Variants in CSMD3 observed in about 807,000 individuals in gnomAD.
CSMD3 encodes CUB and sushi domain-containing protein 3.
In CSMD3, 177 loss-of-function variants were observed where a neutral mutation model predicts 435.2. That is an observed-to-expected ratio of 0.41 (90% CI 0.36 to 0.46). The LOEUF is 0.46. CSMD3 is among the 20% of genes least tolerant of loss of function. CSMD3 has a pLI of 0.34. For synonymous variants in CSMD3, 1,656 were observed against 1,520.5 expected (o/e 1.09, Z -2.07); for missense variants, 4,265 against 4,504.6 (o/e 0.95, Z 1.52).
intron 3 of CSMD3, among the ~76,000 whole-genome samples, chr8:113,195,877 A>T (rs1284089439): frequency 6.8e-6 from 1 of 148,060 alleles, no homozygotes; most frequent in African/African-American, 2.5e-5. Context: ...CTCAGTGTTA[A>T]GGGTTTGGGA....
intron 32 of CSMD3, among the ~76,000 whole-genome samples, chr8:112,438,166 G>A (rs1467639361): frequency 2.0e-5 from 3 of 152,040 alleles, no homozygotes; most frequent in Non-Finnish European, 4.4e-5. Flanking sequence ...TAGCATTTCA[G>A]TGACAGGAAA....
chr8:112,556,659 TAA>T (rs1431553195), intron 25 of CSMD3, 102 bp downstream of exon 25: 1 of 853,396 alleles, frequency 1.2e-6, no homozygotes, highest in African/African-American at 1.7e-5. Context: ...TTTCTCGATA[TAA>T]AGTGTTAGTT....
intron 13 of CSMD3, among the ~76,000 whole-genome samples, chr8:112,751,877 T>C (rs776244553): frequency 2.6e-5 from 4 of 152,244 alleles, no homozygotes; most frequent in Non-Finnish European, 5.9e-5. Flanking sequence ...GTTACATAGG[T>C]AAACGTGTGC....
chr8:112,997,148 T>C (rs902222367), intron 6 of CSMD3, among the ~76,000 whole-genome samples: 1 of 151,692 alleles, frequency 6.6e-6, no homozygotes, highest in Non-Finnish European at 1.5e-5. Context: ...GCCTGACATA[T>C]ACTCAATGTT....
intron 13 of CSMD3, among the ~76,000 whole-genome samples, chr8:112,708,412 C>T (rs1035317988): frequency 2.0e-5 from 3 of 151,724 alleles, no homozygotes; most frequent in Non-Finnish European, 4.4e-5. Context: ...AAAACTAAAA[C>T]TAATCTTAAA....
chr8:112,394,587 A>G (rs1277399660), intron 35 of CSMD3, among the ~76,000 whole-genome samples: 1 of 152,060 alleles, frequency 6.6e-6, no homozygotes, highest in African/African-American at 2.4e-5. Context: ...ACACGTCAAG[A>G]TCTCTCTCCC....
intron 7 of CSMD3, among the ~76,000 whole-genome samples, chr8:112,960,833 T>A (rs1015850068): frequency 6.6e-6 from 1 of 151,826 alleles, no homozygotes; most frequent in Admixed American, 6.6e-5. Flanking sequence ...TAGTATATAT[T>A]CATTTTTATA....
intron 7 of CSMD3, among the ~76,000 whole-genome samples, chr8:112,969,979 C>T (rs886331676): frequency 3.3e-5 from 5 of 151,984 alleles, no homozygotes; most frequent in African/African-American, 1.2e-4. Context: ...GACCACATAT[C>T]AGACACTAAA....
chr8:112,440,360 T>C (rs2130493981), intron 32 of CSMD3, among the ~76,000 whole-genome samples: 1 of 152,294 alleles, frequency 6.6e-6, no homozygotes, highest in South Asian at 2.1e-4. Context: ...CAGCTCTGCC[T>C]CTGTAGATCT....
At chr8:112,259,723 G>C (rs1050937707) in intron 61 of CSMD3, among the ~76,000 whole-genome samples, 50 of 152,286 alleles carry the variant, frequency 3.3e-4, no homozygotes, top group African/African-American at 1.2e-3. Flanking sequence ...CTTTGGGCTA[G>C]TTGACATTCA....
chr8:113,248,468 G>GT (rs1468447111), intron 3 of CSMD3, among the ~76,000 whole-genome samples: 5 of 322 alleles, frequency 0.016, no homozygotes, highest in Admixed American at 0.045. Flanking sequence ...GTGTGTGTGT[G>GT]ATATATATGT....
intron 13 of CSMD3, among the ~76,000 whole-genome samples, chr8:112,769,879 A>T (rs1383073284): frequency 3.9e-5 from 6 of 152,008 alleles, no homozygotes; most frequent in Non-Finnish European, 8.8e-5. Flanking sequence ...AATAAAGGGA[A>T]TCTATGGCAG....
intron 3 of CSMD3, among the ~76,000 whole-genome samples, chr8:113,190,032 A>AT (rs372071593): frequency 1.6e-3 from 236 of 151,232 alleles, no homozygotes; most frequent in African/African-American, 5.3e-3. Flanking sequence ...TAAATTTATA[A>AT]TTTTTTTTTA....
At chr8:112,359,605 A>AATC (rs1266242745) in intron 38 of CSMD3, among the ~76,000 whole-genome samples, 1 of 152,176 alleles carries the variant, frequency 6.6e-6, no homozygotes, top group Admixed American at 6.5e-5. Flanking sequence ...GAGTAGCTTA[A>AATC]ATCATGCCAA....
At chr8:112,721,533 G>A (rs536121685) in intron 13 of CSMD3, among the ~76,000 whole-genome samples, 1 of 152,260 alleles carries the variant, frequency 6.6e-6, no homozygotes, top group South Asian at 2.1e-4. Context: ...CCGAGATCCT[G>A]CCGCTGCACT....
At chr8:113,314,175 GGTGT>G (rs1347114118) in intron 2 of CSMD3, 1 of 159,770 alleles carries the variant, frequency 6.3e-6, no homozygotes, top group African/African-American at 2.4e-5. Context: ...GCTGACTTAA[GGTGT>G]TTTTGCATAG....
At chr8:112,281,598 C>G (rs913942249) in intron 58 of CSMD3, among the ~76,000 whole-genome samples, 3 of 151,978 alleles carry the variant, frequency 2.0e-5, no homozygotes, top group African/African-American at 7.3e-5. Context: ...AAAAACTCTA[C>G]AGAGTAAAAT....
intron 4 of CSMD3, among the ~76,000 whole-genome samples, chr8:113,115,745 A>G (rs962794206): frequency 5.3e-5 from 8 of 152,306 alleles, no homozygotes; most frequent in Non-Finnish European, 1.2e-4. Context: ...GTCTTTTGCT[A>G]CAGATGTGAG....
chr8:112,499,469 A>G (rs1821716319), intron 30 of CSMD3, among the ~76,000 whole-genome samples: 1 of 152,070 alleles, frequency 6.6e-6, no homozygotes. Flanking sequence ...TGTATATAAA[A>G]ACTTGCACTC....
Sources: gnomAD v4.1 joint callset for allele counts (sites outside exome capture counted in the v4.1 genomes callset) on GRCh38, gnomAD v4.1.1 for gene constraint, MANE v1.5 for transcripts, NCBI Gene and HGNC (gene_info 2026-07-23, HGNC 2026-07-21) for gene names.